FGF13: variants seen among roughly 807,000 people sequenced by gnomAD.
FGF13 encodes the protein fibroblast growth factor 13.
In FGF13, 2 loss-of-function variants were observed where a neutral mutation model predicts 19.5. That is an observed-to-expected ratio of 0.10 (90% CI 0.04 to 0.32). The LOEUF (loss-of-function observed/expected upper bound fraction) is 0.32. Among genes scored for constraint, FGF13 ranks in the 10% least tolerant of loss-of-function variants. FGF13 has a pLI of 1.00. For synonymous variants in FGF13, 72 were observed against 76.9 expected (o/e 0.94, Z 0.33); for missense variants, 113 against 192.7 (o/e 0.59, Z 2.45).
chrX:138,800,719 C>T (rs1294919157), intron 3 of FGF13, among the ~76,000 whole-genome samples: 2 of 111,914 alleles, frequency 1.8e-5, no homozygotes, highest in African/African-American at 3.2e-5. Context: ...ACCAATCAAT[C>T]GTACGTTTGG....
intron 3 of FGF13, among the ~76,000 whole-genome samples, chrX:138,669,156 GGTA>G (rs1351025885): frequency 9.1e-6 from 1 of 110,476 alleles, no homozygotes; most frequent in East Asian, 2.9e-4. Context: ...GTGGAAAAAA[GGTA>G]GTAGTCCAGG....
chrX:138,978,423 T>A (rs1428349285), intron 1 of FGF13, among the ~76,000 whole-genome samples: 1 of 109,915 alleles, frequency 9.1e-6, no homozygotes, highest in Non-Finnish European at 1.9e-5. Context: ...CCACCACGCC[T>A]GGCTAATTTT....
chrX:138,989,646 T>C (rs1016694010), intron 1 of FGF13, among the ~76,000 whole-genome samples: 2 of 110,413 alleles, frequency 1.8e-5, no homozygotes, highest in African/African-American at 3.3e-5. Context: ...TAATAGGAGA[T>C]TGATTACTTT....
chrX:138,877,959 C>A (rs917382298), intron 1 of FGF13, among the ~76,000 whole-genome samples: 5 of 111,082 alleles, frequency 4.5e-5, no homozygotes, highest in African/African-American at 1.6e-4. Context: ...AATGGAATTG[C>A]TGAATCAGAT....
chrX:139,033,050 A>AAAAAC lies in FGF13; in HGVS notation c.-112-168401_-112-168400insGTTTT, dbSNP rs1285624521. 2.7e-3 allele frequency among the ~76,000 whole-genome samples: 272 copies of AAAAAC among 98,968 alleles called. 3 individuals carry two copies. Among genetic ancestry groups the AAAAAC allele is most frequent in the African/African-American group, 9.7e-3 (257 of 26,612 alleles). 85.9% of individuals were successfully genotyped at this position (98,968 alleles called of 115,157 possible). A position where few individuals can be genotyped will look rare whatever the true frequency, so the allele number is the denominator to read the frequency against. On this transcript the variant is annotated intron_variant, in intron 1 of 2. Coordinates refer to the FGF13 transcript ENST00000421460. ...TCCAAAAAAAAAAAAAAAAAAAAAAAAAAAACTACAGCTCACATTCATGGG... is the reference window on the plus strand; with the variant it reads ...TCCAAAAAAAAAAAAAAAAAAAAAAAAAAACAAAAACTACAGCTCACATTCATGGG...
chrX:139,057,768 G>C (rs1173240941), intron 1 of FGF13, among the ~76,000 whole-genome samples: 2 of 112,204 alleles, frequency 1.8e-5, no homozygotes, highest in Non-Finnish European at 3.8e-5. Context: ...TATGCTAACT[G>C]AAAGAAGAAA....
At chrX:139,036,088 C>A (rs964374973) in intron 1 of FGF13, among the ~76,000 whole-genome samples, 1 of 111,798 alleles carries the variant, frequency 8.9e-6, no homozygotes, top group African/African-American at 3.2e-5. Context: ...AATAGTGCAC[C>A]TGACCTATGA....
At chrX:138,939,410 GTTTAT>G (rs1423799083) in intron 1 of FGF13, among the ~76,000 whole-genome samples, 2 of 112,069 alleles carry the variant, frequency 1.8e-5, no homozygotes, top group African/African-American at 3.2e-5. Flanking sequence ...ATATGTTAGA[GTTTAT>G]TTATTTTAAC....
chrX:138,975,060 C>A (rs2091934466), intron 1 of FGF13, among the ~76,000 whole-genome samples: 1 of 112,686 alleles, frequency 8.9e-6, no homozygotes, highest in Non-Finnish European at 1.9e-5. Context: ...TGCTCAGGGA[C>A]TGACTGACAA....
In FGF13 at chrX:138,732,913, T is replaced by A. The variant is rs755873900; in HGVS notation, c.28+6329A>T. ...ATCACATGGAGTGCTTATTAAAATGTAGATCCTTGGGTTCCAACCAACTCA... is the reference window on the plus strand; with the variant it reads ...ATCACATGGAGTGCTTATTAAAATGAAGATCCTTGGGTTCCAACCAACTCA... On this transcript the variant is annotated intron_variant, in intron 1 of 4. Coordinates refer to the FGF13 transcript ENST00000305414. Among the ~76,000 whole-genome samples, 44 of 110,998 alleles carry A rather than the reference T, an allele frequency of 4.0e-4. No homozygotes were observed. In the South Asian group the frequency reaches 0.015, roughly 38 times the overall value.
At chrX:139,074,998 G>A (rs1022369435) in intron 1 of FGF13, among the ~76,000 whole-genome samples, 1 of 111,571 alleles carries the variant, frequency 9.0e-6, no homozygotes, top group African/African-American at 3.3e-5. Flanking sequence ...GTTCGCTGAT[G>A]CCCCAGACTA....
At chrX:138,664,587 A>G (rs1455448798) in intron 3 of FGF13, among the ~76,000 whole-genome samples, 1 of 111,069 alleles carries the variant, frequency 9.0e-6, no homozygotes, top group Non-Finnish European at 1.9e-5. Flanking sequence ...GAGAAAAGGG[A>G]AATGAATTAA....
chrX:139,135,025 G>C (rs926767136), intron 1 of FGF13, among the ~76,000 whole-genome samples: 1 of 110,981 alleles, frequency 9.0e-6, no homozygotes, highest in Non-Finnish European at 1.9e-5. Flanking sequence ...CAGGAGCTCA[G>C]ATGAATGGCA....
At chrX:139,200,736 C>T (rs781424526) in intron 1 of FGF13, among the ~76,000 whole-genome samples, 3 of 112,592 alleles carry the variant, frequency 2.7e-5, no homozygotes, top group Non-Finnish European at 5.6e-5. Context: ...CGAGAATTAG[C>T]TAGCATTTTT....
At chrX:139,204,277 A>T (rs1391357201), upstream of FGF13, 1 of 463,033 alleles carries the variant, frequency 2.2e-6, no homozygotes, top group Admixed American at 3.4e-5. Context: ...GCTGCCTACG[A>T]GAGAGTGGGG....
At chrX:138,738,081 C>T (rs1473410793) in intron 1 of FGF13, among the ~76,000 whole-genome samples, 3 of 111,770 alleles carry the variant, frequency 2.7e-5, no homozygotes, top group Non-Finnish European at 5.6e-5. Flanking sequence ...CAGATCAATC[C>T]AAATCTCCAT....
intron 3 of FGF13, among the ~76,000 whole-genome samples, chrX:138,815,575 A>C (rs944770522): frequency 9.0e-6 from 1 of 110,546 alleles, no homozygotes; most frequent in Non-Finnish European, 1.9e-5. Flanking sequence ...GACATAAGAA[A>C]ATATGGAACT....
chrX:138,914,636 CTTTT>C (rs34940979), intron 1 of FGF13, among the ~76,000 whole-genome samples: 6 of 76,982 alleles, frequency 7.8e-5, no homozygotes, highest in African/African-American at 5.1e-5. Context: ...TTGTGTTGGA[CTTTT>C]TTTTTTTTTT....
chrX:138,942,930 G>A (rs2091765630), intron 1 of FGF13, among the ~76,000 whole-genome samples: 2 of 111,101 alleles, frequency 1.8e-5, no homozygotes, highest in South Asian at 3.8e-4. Flanking sequence ...TTACAAGACC[G>A]AAAAATTTTA....
Sources: gnomAD v4.1 joint callset for allele counts (sites outside exome capture counted in the v4.1 genomes callset) on GRCh38, gnomAD v4.1.1 for gene constraint, MANE v1.5 for transcripts, NCBI Gene and HGNC (gene_info 2026-07-23, HGNC 2026-07-21) for gene names.